The following TUSC3 variants were observed in gnomAD, a reference collection of about 807,000 sequenced individuals.
The protein encoded by TUSC3 is dolichyl-diphosphooligosaccharide--protein glycosyltransferase subunit TUSC3.
In TUSC3, 45 loss-of-function variants were observed where a neutral mutation model predicts 44.8. The ratio of observed to expected loss-of-function variants is 1.00; its 90% CI spans 0.79 to 1.29. The LOEUF (loss-of-function observed/expected upper bound fraction) is 1.29. TUSC3 is among the 50% of genes most tolerant of loss of function. The pLI is 0.00. For synonymous variants in TUSC3, 212 were observed against 152.9 expected, an observed-to-expected ratio of 1.39 and a Z score of -2.85; for missense variants, 519 against 437.9, an observed-to-expected ratio of 1.19 and a Z score of -1.65.
chr8:15,835,761 T>C, the TUSC3 span, among the ~76,000 whole-genome samples: 1 of 152,184 alleles, frequency 6.6e-6, no homozygotes, highest in African/African-American at 2.4e-5. Context: ...TTGTGGGGTT[T>C]GGAGAAGAGT....
At chr8:15,656,362 T>G (rs922970165) in intron 3 of TUSC3, among the ~76,000 whole-genome samples, 9 of 151,954 alleles carry the variant, frequency 5.9e-5, no homozygotes, top group African/African-American at 1.5e-4. Flanking sequence ...TCAAACAAAT[T>G]AACTACTTCT....
chr8:15,469,741 A>G (rs2129122836), intron 1 of TUSC3, among the ~76,000 whole-genome samples: 1 of 152,364 alleles, frequency 6.6e-6, no homozygotes, highest in South Asian at 2.1e-4. Context: ...ACTTGGAAGA[A>G]CCAAGATGTC....
At chr8:15,430,352 G>A (rs4380942) in intron 1 of TUSC3, among the ~76,000 whole-genome samples, 53,640 of 144,702 alleles carry the variant, frequency 0.37, 13,416 homozygotes, top group African/African-American at 0.68. Flanking sequence ...GTAATCCAGC[G>A]TATAAACAGA....
chr8:15,752,324 G>A (rs1172108692), intron 9 of TUSC3, among the ~76,000 whole-genome samples: 1 of 148,932 alleles, frequency 6.7e-6, no homozygotes, highest in African/African-American at 2.5e-5. Context: ...TGAGTATACT[G>A]CTATGGTGTG....
chr8:15,657,060 T>C (rs1001732375), intron 3 of TUSC3, among the ~76,000 whole-genome samples: 1 of 152,152 alleles, frequency 6.6e-6, no homozygotes, highest in Non-Finnish European at 1.5e-5. Context: ...CCCCAGGTTT[T>C]CCCCCAAAGA....
intron 6 of TUSC3, among the ~76,000 whole-genome samples, chr8:15,721,642 AAC>A (rs1294647930): frequency 9.2e-5 from 14 of 151,534 alleles, no homozygotes; most frequent in African/African-American, 3.4e-4. Flanking sequence ...CATTTAGTTA[AAC>A]ACAAGAAAAT....
chr8:15,533,495 G>A lies in TUSC3; in HGVS notation n.189+50012G>A, dbSNP rs113762821. 1.0e-3 allele frequency among the ~76,000 whole-genome samples: 154 copies of A among 152,282 alleles called. 1 individual carries two copies. Among genetic ancestry groups the A allele is most frequent in the South Asian group, 2.3e-3 (11 of 4,818 alleles). On this transcript the variant is annotated intron_variant and non_coding_transcript_variant, in intron 2 of 5. Coordinates refer to the TUSC3 transcript ENST00000503191. ...TATATTGCTAGGGTGAAATTCAACC[G>A]AACTGTTTTAGGGTAAAGATCTTAA...
chr8:15,650,984 TACACACACACACACAC>T (rs3070913), intron 3 of TUSC3, 170 bp downstream of exon 3: 66 of 501,868 alleles, frequency 1.3e-4, no homozygotes, highest in Middle Eastern at 5.7e-4. Context: ...GCAAGACTTT[TACACACACACACACAC>T]ACACACACAC....
At chr8:15,734,464 A>G (rs1200202494) in intron 7 of TUSC3, among the ~76,000 whole-genome samples, 8 of 152,310 alleles carry the variant, frequency 5.3e-5, no homozygotes, top group Admixed American at 3.3e-4. Flanking sequence ...AAGAAACATT[A>G]TATTTTAATA....
the TUSC3 span, among the ~76,000 whole-genome samples, chr8:15,796,254 T>C: frequency 6.6e-6 from 1 of 152,250 alleles, no homozygotes; most frequent in South Asian, 2.1e-4. Flanking sequence ...TTCCAGCTGG[T>C]CTTACCAGAA....
intron 7 of TUSC3, among the ~76,000 whole-genome samples, chr8:15,738,006 A>C (rs11998428): frequency 0.38 from 57,972 of 152,032 alleles, 13,255 homozygotes; most frequent in Non-Finnish European, 0.51. Context: ...TTGAGTTAAA[A>C]AATGTATCTT....
At chr8:15,419,925 AT>A (rs1356374371) in intron 1 of TUSC3, among the ~76,000 whole-genome samples, 2 of 152,134 alleles carry the variant, frequency 1.3e-5, no homozygotes, top group Non-Finnish European at 2.9e-5. Context: ...TTATTCTTAG[AT>A]TCCCCAAAGC....
At chr8:15,733,415 G>T in intron 7 of TUSC3, 1 of 391,468 alleles carries the variant, frequency 2.6e-6, no homozygotes, top group Non-Finnish European at 5.0e-6. Context: ...TACTTTATCT[G>T]GATAAAGTGA....
At position 15,694,938 on chromosome 8, in the gene TUSC3, G is replaced by A. The variant is rs181648472; in HGVS notation, c.798+21102G>A. 7.2e-5 allele frequency among the ~76,000 whole-genome samples: 11 copies of A among 152,330 alleles called. No homozygotes were observed. In the East Asian group the frequency reaches 7.7e-4, roughly 11 times the overall value. ...CAGCAGTCTGGCAGGGTGCATGCTC[G>A]TTGCCCAAGCTGAGGTATTGGGTGT... is the stretch of plus-strand genomic sequence containing the variant. On this transcript the variant is annotated intron_variant, in intron 6 of 10. Coordinates refer to ENST00000503731, the MANE Select transcript of TUSC3 (RefSeq NM_006765.4).
At chr8:15,424,838 C>T (rs1056886261) in intron 1 of TUSC3, among the ~76,000 whole-genome samples, 8 of 151,604 alleles carry the variant, frequency 5.3e-5, no homozygotes, top group Admixed American at 3.9e-4. Flanking sequence ...GAGGTAGCAC[C>T]ACTGTATTCC....
chr8:15,638,149 G>C (rs1464743708), intron 2 of TUSC3, among the ~76,000 whole-genome samples: 1 of 151,944 alleles, frequency 6.6e-6, no homozygotes, highest in Non-Finnish European at 1.5e-5. Context: ...TCTTTCTTGG[G>C]GTGATTCCCA....
Position 15,659,533 on chromosome 8 carries a change from C to G in TUSC3, c.453C>G (p.Phe151Leu). The change falls in exon 4 of 11, where the codon TTC becomes TTG. Residue 151 changes from phenylalanine (F) to leucine (L), a missense_variant. Physicochemically the swap from Phe to Leu is conservative, Grantham distance 22. Coordinates refer to ENST00000503731, the MANE Select transcript of TUSC3 (RefSeq NM_006765.4). ...TCAACATGAACTCTGCTCCTACATT[C>G]ATGCATTTTCCTCCAAAAGGCAGAC... Reference protein sequence around the residue: ...QQLNMNSAPTFMHFPPKGRPK... With the variant: ...QQLNMNSAPTLMHFPPKGRPK... 6.2e-7 allele frequency: 1 copy of G among 1,613,010 alleles called. No individual in the cohort carries two copies. Among genetic ancestry groups the G allele is most frequent in the East Asian group, 2.2e-5 (1 of 44,802 alleles).
At chr8:15,744,338 G>A (rs980102844) in intron 8 of TUSC3, among the ~76,000 whole-genome samples, 1 of 152,062 alleles carries the variant, frequency 6.6e-6, no homozygotes, top group African/African-American at 2.4e-5. Flanking sequence ...GTGCTCTGAG[G>A]AGCAAAGGAC....
chr8:15,689,732 A>G (rs1808811673), intron 6 of TUSC3, among the ~76,000 whole-genome samples: 1 of 151,156 alleles, frequency 6.6e-6, no homozygotes, highest in Non-Finnish European at 1.5e-5. Context: ...TTCCTGTGTT[A>G]GTTTGCTTAG....
Sources: allele counts gnomAD v4.1 joint callset (sites outside exome capture counted in the v4.1 genomes callset), GRCh38; gene constraint gnomAD v4.1.1; transcripts MANE v1.5; gene names NCBI Gene and HGNC (gene_info 2026-07-23, HGNC 2026-07-21).